Variants in ESPN observed in about 807,000 individuals in gnomAD.
ESPN encodes autosomal recessive deafness type 36 protein.
A neutral mutation model predicts 77.7 loss-of-function variants in ESPN; 68 were observed. The observed-to-expected ratio is 0.87, with a 90% CI of 0.72 to 1.07. The LOEUF is 1.07. ESPN is among the 50% of genes least tolerant of loss of function. The pLI, the probability that ESPN is intolerant of heterozygous loss-of-function variation, is 0.00. For synonymous variants in ESPN, 449 were observed against 567.1 expected (o/e 0.79, Z 2.96); for missense variants, 1,060 against 1,239.0 (o/e 0.86, Z 2.17).
Position 6,440,451 on chromosome 1 carries a change from G to C in ESPN, c.675+11G>C, listed in dbSNP as rs1451465046. ...GTCATCGTGTGGTTGGTGAGCTCCG[G>C]GCCCGGGCGGGGAGCAGGGGAGGCG... On this transcript the variant is annotated intron_variant, in intron 3 of 12. Coordinates refer to ENST00000645284, the MANE Select transcript of ESPN (RefSeq NM_031475.3). The C allele has an allele frequency of 6.5e-7, 1 of 1,540,726 alleles. No individual in the cohort carries two copies. The highest frequency in any genetic ancestry group is 8.7e-7 in the Non-Finnish European group (1 of 1,147,166).
Position 6,459,982 on chromosome 1 carries a change from C to A in ESPN, c.2418-17C>A, listed in dbSNP as rs568212325. On this transcript the variant is annotated splice_polypyrimidine_tract_variant and intron_variant, in intron 12 of 12. Coordinates refer to ENST00000645284, the MANE Select transcript of ESPN (RefSeq NM_031475.3). ...CCCCAGACTTCACCGGGTCTGCCCC[C>A]CTCCCCACTGCCTCAGGAAAGAGGA... The A allele has an allele frequency of 6.8e-6, 11 of 1,613,136 alleles. No homozygotes were observed. The Admixed American group carries it at 1.2e-4, about 17-fold the overall frequency.
chr1:6,456,198 G>A, intron 10 of ESPN: 1 of 397,794 alleles, frequency 2.5e-6, no homozygotes, highest in Non-Finnish European at 4.4e-6. Context: ...TGACATCTGA[G>A]CAGCGGAATT....
intron 10 of ESPN, chr1:6,455,952 T>G (rs2148546485): frequency 2.5e-6 from 1 of 398,582 alleles, no homozygotes; most frequent in Admixed American, 4.4e-5. Context: ...GGCTGCTCCA[T>G]TTCAGACGGG....
chr1:6,428,183 G>A lies in ESPN; in HGVS notation c.295-43G>A. 4 of 1,606,482 alleles carry A rather than the reference G, an allele frequency of 2.5e-6. No homozygotes were observed. In the South Asian group the frequency reaches 3.3e-5, roughly 13 times the overall value. The stretch of plus-strand genomic sequence containing the variant: ...GGGAGTGGCCCAAGCCAGGGGCGGG[G>A]CAGCAACAGGCTTTAGGACTTGAAC... On this transcript the variant is annotated intron_variant, in intron 1 of 12. Coordinates refer to ENST00000645284, the MANE Select transcript of ESPN (RefSeq NM_031475.3). This position sits in a 1 kb window ranked among gnomAD's most constrained non-coding sequence, Gnocchi z 5.4.
Position 6,425,274 on chromosome 1 carries a change from G to A in ESPN, c.294+25G>A, listed in dbSNP as rs779497352. On this transcript the variant is annotated intron_variant, in intron 1 of 12. Coordinates refer to ENST00000645284, the MANE Select transcript of ESPN (RefSeq NM_031475.3). ...GGTGGGTCCGCGCGGTTCGCCAGGG[G>A]CACTGAGGCTTCCTCCTCAGGACAG... The A allele has an allele frequency of 2.9e-5, 46 of 1,564,540 alleles. No individual in the cohort carries two copies. In the Admixed American group the frequency reaches 6.7e-4, roughly 23 times the overall value.
chr1:6,457,644 G>A (rs1225753475), intron 12 of ESPN, among the ~76,000 whole-genome samples: 1 of 152,156 alleles, frequency 6.6e-6, no homozygotes, highest in Non-Finnish European at 1.5e-5. Flanking sequence ...CTGGCCCTCA[G>A]AATGTACTTT....
chr1:6,426,575 G>A (rs1026805108), intron 1 of ESPN, among the ~76,000 whole-genome samples: 1 of 152,142 alleles, frequency 6.6e-6, no homozygotes, highest in African/African-American at 2.4e-5. Context: ...GGCTCCTGGG[G>A]CCTGGACACC....
At chr1:6,443,277 TA>T (rs1643711758) in intron 5 of ESPN, 1 of 152,142 alleles carries the variant, frequency 6.6e-6, no homozygotes, top group Non-Finnish European at 1.5e-5. Context: ...TAAAGAAAGT[TA>T]GGCACAAAAA....
rs1334579977 is a variant in ESPN, at chr1:6,447,160, TCCCTCCGGGCTGTGTGCGC to T, written c.1464+1232_1464+1250del. On this transcript the variant is annotated intron_variant, in intron 7 of 12. Transcript: ENST00000645284. This position sits in a 1 kb window ranked among gnomAD's most constrained non-coding sequence, Gnocchi z 5.2. ...GTGAGCCCCCTCCCGGCTGTGTGCG[TCCCTCCGGGCTGTGTGCGC>T]CCCTCCCGGCTGTGTGCGCCCCTCC... Among the ~76,000 whole-genome samples the T allele has an allele frequency of 3.3e-5, 5 of 150,388 alleles. No individual in the cohort carries two copies. Among genetic ancestry groups the T allele is most frequent in the African/African-American group, 9.9e-5 (4 of 40,278 alleles).
rs575778504 is a variant in ESPN, at chr1:6,445,618, C to G, written c.1193-46C>G. 5 of 1,597,594 alleles carry G rather than the reference C, an allele frequency of 3.1e-6. No individual in the cohort carries two copies. In the East Asian group the frequency reaches 6.8e-5, roughly 22 times the overall value. ...GGAGAGTCTCAGTCTTGGGGGACAG[C>G]CTGTCTGCATGCTCCCAAATCTGGC... On this transcript the variant is annotated intron_variant, in intron 6 of 12. Coordinates refer to ENST00000645284, the MANE Select transcript of ESPN (RefSeq NM_031475.3).
chr1:6,449,297 C>T (rs1217379053), intron 8 of ESPN, among the ~76,000 whole-genome samples: 2 of 152,234 alleles, frequency 1.3e-5, no homozygotes, highest in Non-Finnish European at 2.9e-5. Flanking sequence ...CCGGGCTGCA[C>T]GGCCTGGGGC....
rs1010467723 is a variant in ESPN at position 6,427,001 on chromosome 1, C to T, written c.295-1225C>T. 1.6e-4 allele frequency among the ~76,000 whole-genome samples: 24 copies of T among 152,170 alleles called. No homozygotes were observed. The highest frequency in any genetic ancestry group is 5.8e-4 in the African/African-American group (24 of 41,504). ...GCTGCCTGAAGACCCTACTAGTGGC[C>T]CCGGCGCCCCCAGCTCCCTCCGTGC... On this transcript the variant is annotated intron_variant, in intron 1 of 12. Transcript: ENST00000645284. This position sits in a 1 kb window ranked among gnomAD's most constrained non-coding sequence, Gnocchi z 4.6.
chr1:6,451,230 G>A lies in ESPN; in HGVS notation c.1916-373G>A, dbSNP rs1263177601. On this transcript the variant is annotated intron_variant, in intron 8 of 12. Coordinates refer to ENST00000645284, the MANE Select transcript of ESPN (RefSeq NM_031475.3). This position sits in a 1 kb window ranked among gnomAD's most constrained non-coding sequence, Gnocchi z 4.3. ...AGGGAGGCTCCACCCCAGCCGGGCTGAGCCAGGGAACCTGGGACAAAGGTC... is the reference window on the plus strand; with the variant it reads ...AGGGAGGCTCCACCCCAGCCGGGCTAAGCCAGGGAACCTGGGACAAAGGTC... 5.4e-6 allele frequency: 2 copies of A among 370,708 alleles called. No homozygotes were observed. Among genetic ancestry groups the A allele is most frequent in the Non-Finnish European group, 1.0e-5 (2 of 193,248 alleles). The allele number at this position is 370,708 out of a possible 1,614,324, so 23.0% of individuals were successfully genotyped here.
chr1:6,457,923 G>A (rs1333485512), intron 12 of ESPN, among the ~76,000 whole-genome samples: 41 of 150,086 alleles, frequency 2.7e-4, no homozygotes, highest in Non-Finnish European at 2.1e-4. Context: ...TGTAATCCCA[G>A]CACTTTGAGA....
chr1:6,442,030 T>C (rs551058909), intron 5 of ESPN, among the ~76,000 whole-genome samples: 53 of 152,272 alleles, frequency 3.5e-4, no homozygotes, highest in East Asian at 2.3e-3. Flanking sequence ...CTAGGGTATA[T>C]AAGCTGGGAT....
At chr1:6,454,362 C>A (rs1038649786) in intron 10 of ESPN, 20 of 398,580 alleles carry the variant, frequency 5.0e-5, no homozygotes, top group Non-Finnish European at 6.2e-5. Context: ...GCAAAAGGCT[C>A]CCGGCGCCAC....
rs369494429 is a variant in ESPN, at chr1:6,428,444, C to A, written c.488+25C>A. 9 of 1,578,658 alleles carry A rather than the reference C, an allele frequency of 5.7e-6. No homozygotes were observed. The African/African-American group carries it at 1.2e-4, about 21-fold the overall frequency. ...AGTAAGATCACCCCTCTTAAGGGGT[C>A]CTCTGGGTGGGCTGGGCCAGGGCTT... On this transcript the variant is annotated intron_variant, in intron 2 of 12. Transcript: ENST00000645284. The surrounding 1 kb of genome is among the most constrained non-coding windows in gnomAD (Gnocchi z 5.4).
At chr1:6,429,304 C>T (rs61780704) in intron 2 of ESPN, among the ~76,000 whole-genome samples, 23,477 of 151,988 alleles carry the variant, frequency 0.15, 2,319 homozygotes, top group African/African-American at 0.27. Context: ...AGCCTCAGGA[C>T]GAGAGCAGCT....
chr1:6,450,865 T>C lies in ESPN; in HGVS notation c.1916-738T>C, dbSNP rs905077231. Among the ~76,000 whole-genome samples, 1 of 152,070 alleles carries C rather than the reference T, an allele frequency of 6.6e-6. No individual in the cohort carries two copies. Among genetic ancestry groups the C allele is most frequent in the African/African-American group, 2.4e-5 (1 of 41,382 alleles). On this transcript the variant is annotated intron_variant, in intron 8 of 12. Coordinates refer to ENST00000645284, the MANE Select transcript of ESPN (RefSeq NM_031475.3). This position sits in a 1 kb window ranked among gnomAD's most constrained non-coding sequence, Gnocchi z 4.3. The stretch of plus-strand genomic sequence containing the variant: ...TTCATCGGGGCTCAAGAGACCTCTC[T>C]CTCCAAATCTCCATTTGCCTCCTCT...
Sources: allele counts gnomAD v4.1 joint callset (sites outside exome capture counted in the v4.1 genomes callset), GRCh38; gene constraint gnomAD v4.1.1; non-coding constraint Gnocchi (gnomAD v3.1); transcripts MANE v1.5; gene names NCBI Gene and HGNC (gene_info 2026-07-23, HGNC 2026-07-21).